The following MAGI2 variants were observed in gnomAD, a reference collection of about 807,000 sequenced individuals.
MAGI2 encodes membrane associated guanylate kinase, WW and PDZ domain containing 2.
MAGI2 carries 35 observed loss-of-function variants against 133.3 expected under a neutral mutation model. The observed-to-expected ratio is 0.26, with a 90% confidence interval of 0.20 to 0.35. The LOEUF is 0.35. Among genes scored for constraint, MAGI2 ranks in the 10% least tolerant of loss-of-function variants. MAGI2 has a pLI of 1.00. For missense variants in MAGI2, 1,636 were observed against 1,863.4 expected, an observed-to-expected ratio of 0.88 and a Z score of 2.25; for synonymous variants, 729 against 710.6, an observed-to-expected ratio of 1.03 and a Z score of -0.41.
chr7:79,209,271 T>C (rs1829306573), intron 1 of MAGI2, among the ~76,000 whole-genome samples: 1 of 152,040 alleles, frequency 6.6e-6, no homozygotes, highest in Admixed American at 6.5e-5. Flanking sequence ...AAACATTATA[T>C]TGTACACAGT....
At chr7:78,472,812 T>C (rs1369286521) in intron 6 of MAGI2, among the ~76,000 whole-genome samples, 1 of 152,112 alleles carries the variant, frequency 6.6e-6, no homozygotes, top group Non-Finnish European at 1.5e-5. Flanking sequence ...ATAGCTATAG[T>C]GGTACTGATG....
At chr7:79,194,766 G>C (rs1827939179) in intron 1 of MAGI2, among the ~76,000 whole-genome samples, 1 of 151,046 alleles carries the variant, frequency 6.6e-6, no homozygotes, top group Admixed American at 6.6e-5. Context: ...TTTCTCTTAG[G>C]TCTTCAGTTT....
At chr7:78,382,718 T>C (rs1795037327) in intron 6 of MAGI2, among the ~76,000 whole-genome samples, 1 of 152,048 alleles carries the variant, frequency 6.6e-6, no homozygotes, top group Non-Finnish European at 1.5e-5. Context: ...TATCTTATTG[T>C]ACTTTTGCAC....
chr7:79,248,844 A>ATTTTG (rs1444770070), intron 1 of MAGI2, among the ~76,000 whole-genome samples: 90 of 4,964 alleles, frequency 0.018, no homozygotes, highest in African/African-American at 0.044. Context: ...TATTAAAACC[A>ATTTTG]TTTTATTTTA....
chr7:78,616,258 C>T (rs561995539), intron 3 of MAGI2: 9 of 152,168 alleles, frequency 5.9e-5, no homozygotes, highest in East Asian at 1.9e-4. Flanking sequence ...CTCTTTCATA[C>T]GTTTAACCTC....
At chr7:78,968,191 C>T (rs1413457307) in intron 2 of MAGI2, among the ~76,000 whole-genome samples, 1 of 152,024 alleles carries the variant, frequency 6.6e-6, no homozygotes, top group Non-Finnish European at 1.5e-5. Context: ...TATGTGATGC[C>T]TACAAATTTG....
chr7:78,726,376 A>G (rs1188845655), intron 2 of MAGI2, among the ~76,000 whole-genome samples: 2 of 152,236 alleles, frequency 1.3e-5, no homozygotes, highest in African/African-American at 4.8e-5. Flanking sequence ...CTAACTTGAA[A>G]TGTATCTTTG....
intron 6 of MAGI2, among the ~76,000 whole-genome samples, chr7:78,384,965 G>T (rs1327821543): frequency 6.6e-6 from 1 of 152,124 alleles, no homozygotes; most frequent in Non-Finnish European, 1.5e-5. Context: ...CTGGGTGTAA[G>T]CAGCATCACG....
intron 16 of MAGI2, among the ~76,000 whole-genome samples, chr7:78,136,453 G>A (rs1822148323): frequency 6.6e-6 from 1 of 152,110 alleles, no homozygotes; most frequent in Non-Finnish European, 1.5e-5. Flanking sequence ...ATATGTGTGA[G>A]GAGAGCCACA....
chr7:78,035,729 C>G (rs2151072674), intron 21 of MAGI2, among the ~76,000 whole-genome samples: 1 of 149,630 alleles, frequency 6.7e-6, no homozygotes, highest in Admixed American at 6.7e-5. Flanking sequence ...TATTTGACAT[C>G]TAATCATGGC....
chr7:79,101,128 T>C lies in MAGI2; in HGVS notation c.302-93922A>G, dbSNP rs191027968. Among the ~76,000 whole-genome samples the C allele has an allele frequency of 2.2e-3, 333 of 152,242 alleles. 1 individual carries two copies. Among genetic ancestry groups the C allele is most frequent in the Non-Finnish European group, 3.9e-3 (268 of 68,014 alleles). ...AATATTTTTCTTTACAAAAACATTA[T>C]ACTTATTTTTCAAATTTAGAAAATG... On this transcript the variant is annotated intron_variant, in intron 1 of 21. Transcript: ENST00000354212.
intron 9 of MAGI2, among the ~76,000 whole-genome samples, chr7:78,287,932 G>A (rs1796312999): frequency 6.6e-6 from 1 of 152,104 alleles, no homozygotes; most frequent in African/African-American, 2.4e-5. Flanking sequence ...GAGACTAGTT[G>A]TGTCAAACAT....
At chr7:78,556,395 A>G (rs750546753) in intron 3 of MAGI2, among the ~76,000 whole-genome samples, 6 of 152,198 alleles carry the variant, frequency 3.9e-5, no homozygotes, top group Non-Finnish European at 7.3e-5. Context: ...TGGCACCAAC[A>G]TGGGCTGATT....
intron 6 of MAGI2, among the ~76,000 whole-genome samples, chr7:78,445,345 A>G (rs919692700): frequency 4.6e-5 from 7 of 152,112 alleles, no homozygotes; most frequent in Admixed American, 1.3e-4. Flanking sequence ...ACGAACGATT[A>G]TAACTATGGA....
intron 1 of MAGI2, among the ~76,000 whole-genome samples, chr7:79,022,332 G>GA (rs902047930): frequency 4.0e-5 from 6 of 151,834 alleles, no homozygotes; most frequent in Non-Finnish European, 2.9e-5. Context: ...AAACTAATGA[G>GA]AAAAAAATAC....
chr7:78,918,834 T>TAC (rs1173945504), intron 2 of MAGI2, among the ~76,000 whole-genome samples: 1 of 152,064 alleles, frequency 6.6e-6, no homozygotes, highest in Non-Finnish European at 1.5e-5. Flanking sequence ...ATCATATATA[T>TAC]ACGATGAAAC....
intron 2 of MAGI2, among the ~76,000 whole-genome samples, chr7:78,994,921 T>C (rs908926425): frequency 2.6e-5 from 4 of 152,122 alleles, no homozygotes; most frequent in African/African-American, 4.8e-5. Flanking sequence ...CTGGGGACTC[T>C]TATGAACACC....
chr7:78,484,556 C>A lies in MAGI2; in HGVS notation c.1045+5205G>T, dbSNP rs377161347. Reference sequence around the variant, plus strand: ...TTAACAGGTTGAAGGGGGAAACCCCCCAGTGTATTACTCTCAGGCTGGAAT... The same window carrying A: ...TTAACAGGTTGAAGGGGGAAACCCCACAGTGTATTACTCTCAGGCTGGAAT... On this transcript the variant is annotated intron_variant, in intron 6 of 21. Coordinates refer to ENST00000354212, the MANE Select transcript of MAGI2 (RefSeq NM_012301.4). The A allele has an allele frequency of 5.9e-5, 9 of 152,044 alleles. No homozygotes were observed. The East Asian group carries it at 1.2e-3, about 20-fold the overall frequency. 9.4% of individuals were successfully genotyped at this position (152,044 alleles called of 1,614,324 possible). A position where few individuals can be genotyped will look rare whatever the true frequency, so the allele number is the denominator to read the frequency against.
chr7:78,654,746 T>TCA (rs1811981117), intron 2 of MAGI2, among the ~76,000 whole-genome samples: 1 of 99,004 alleles, frequency 1.0e-5, no homozygotes, highest in Non-Finnish European at 2.2e-5. Flanking sequence ...TATATATATA[T>TCA]ATAGCATATA....
Sources: allele counts gnomAD v4.1 joint callset (sites outside exome capture counted in the v4.1 genomes callset), GRCh38; gene constraint gnomAD v4.1.1; transcripts MANE v1.5; gene names NCBI Gene and HGNC (gene_info 2026-07-23, HGNC 2026-07-21).